The following MACF1 variants were observed in gnomAD, a reference collection of about 807,000 sequenced individuals.
MACF1 encodes the protein microtubule actin crosslinking factor 1, also known as microtubule-actin cross-linking factor 1.
MACF1 carries 193 observed loss-of-function variants against 854.8 expected under a neutral mutation model. The observed-to-expected ratio is 0.23, with a 90% CI of 0.20 to 0.25. MACF1 has a LOEUF of 0.25. MACF1 is among the 10% of genes least tolerant of loss of function. MACF1 has a pLI of 1.00. For missense variants in MACF1, 7,722 were observed against 8,929.1 expected, an observed-to-expected ratio of 0.86 and a Z score of 5.45; for synonymous variants, 3,185 against 3,226.7, an observed-to-expected ratio of 0.99 and a Z score of 0.44.
chr1:39,262,415 AAAAAG>A (rs1400322125), intron 6 of MACF1, among the ~76,000 whole-genome samples: 21 of 151,310 alleles, frequency 1.4e-4, no homozygotes, highest in African/African-American at 5.1e-4. Flanking sequence ...AAAAAAAAAA[AAAAAG>A]AATCTACTAC....
In MACF1 at chr1:39,409,224, CGCGGGGCCA is replaced by C. The variant is rs1417606072; in HGVS notation, c.15817-13145_15817-13137del. 2.6e-5 allele frequency among the ~76,000 whole-genome samples: 4 copies of C among 151,998 alleles called. No individual in the cohort carries two copies. The highest frequency in any genetic ancestry group is 4.4e-5 in the Non-Finnish European group (3 of 67,964). On this transcript the variant is annotated intron_variant, in intron 58 of 100. Coordinates refer to ENST00000564288, the MANE Select transcript of MACF1 (RefSeq NM_001394062.1). This position sits in a 1 kb window ranked among gnomAD's most constrained non-coding sequence, Gnocchi z 4.2. The stretch of plus-strand genomic sequence containing the variant: ...CTGCGGGCGGGGAGGACGGCGGGGC[CGCGGGGCCA>C]GCGGCGTGGTGGAGAATAGAGGCGG...
intron 85 of MACF1, among the ~76,000 whole-genome samples, chr1:39,451,498 C>G (rs907746546): frequency 6.6e-6 from 1 of 152,084 alleles, no homozygotes; most frequent in Non-Finnish European, 1.5e-5. Context: ...TAAATTCCAA[C>G]GGAAACCCAT....
chr1:39,282,261 A>G lies in MACF1; in HGVS notation c.582A>G (p.Lys194=), dbSNP rs147380893. The G allele has an allele frequency of 8.1e-6, 13 of 1,613,986 alleles. No individual in the cohort carries two copies. The African/African-American group carries it at 1.5e-4, about 18-fold the overall frequency. ...CAGGGGATATGTCAGCCAAGGAGAA[A>G]CTACTCCTGTGGACCCAGAAGGTGA... ...GESGDMSAKE[K]LLLWTQKVTA... The change falls in exon 7 of 101, where the codon AAA becomes AAG. Residue 194 remains lysine, a synonymous_variant. Coordinates refer to ENST00000564288, the MANE Select transcript of MACF1 (RefSeq NM_001394062.1).
chr1:39,118,769 G>A (rs918169630), intron 2 of MACF1, among the ~76,000 whole-genome samples: 1 of 151,870 alleles, frequency 6.6e-6, no homozygotes, highest in Admixed American at 6.6e-5. Context: ...AGTATTAAGG[G>A]GGCTAATAAG....
chr1:39,273,669 G>A (rs1264370980), intron 6 of MACF1, among the ~76,000 whole-genome samples: 2 of 151,616 alleles, frequency 1.3e-5, no homozygotes, highest in Admixed American at 1.3e-4. Context: ...CCCTACCTCA[G>A]CTCACTGAAC....
intron 89 of MACF1, among the ~76,000 whole-genome samples, chr1:39,456,554 C>G (rs1644443397): frequency 6.6e-6 from 1 of 152,176 alleles, no homozygotes; most frequent in Non-Finnish European, 1.5e-5. Context: ...CAGGATGTAA[C>G]TTCATCGTAA....
intron 93 of MACF1, 88 bp downstream of exon 93, chr1:39,462,125 C>T (rs1644566706): frequency 2.4e-6 from 3 of 1,265,784 alleles, no homozygotes; most frequent in Middle Eastern, 1.9e-4. Flanking sequence ...TCATATTAGC[C>T]TTTGACTTGT....
intron 31 of MACF1, among the ~76,000 whole-genome samples, chr1:39,321,631 G>C (rs906451669): frequency 4.3e-4 from 65 of 152,198 alleles, no homozygotes; most frequent in African/African-American, 1.4e-3. Context: ...TGAGATTGGG[G>C]CCAACCCATG....
chr1:39,303,746 C>A (rs1646102635), intron 23 of MACF1, among the ~76,000 whole-genome samples: 1 of 151,188 alleles, frequency 6.6e-6, no homozygotes, highest in African/African-American at 2.4e-5. Context: ...CCCCTGTAAT[C>A]CCAGCTACTC....
chr1:39,297,827 G>A, intron 21 of MACF1, 82 bp downstream of exon 21: 2 of 1,523,014 alleles, frequency 1.3e-6, no homozygotes, highest in Middle Eastern at 1.8e-4. Flanking sequence ...ATCCTTGAAA[G>A]CTCCAGGGCA....
In MACF1 at chr1:39,105,121, A is replaced by T. The variant is rs1239749450; in HGVS notation, c.220+20683A>T. ...CGCGCGGGGCCTCCCACCCAGCGGG[A>T]CTCCCGCGTGGGCCGGCCTCTCGCG... On this transcript the variant is annotated intron_variant, in intron 2 of 93. Transcript: ENST00000361689. This position sits in a 1 kb window ranked among gnomAD's most constrained non-coding sequence, Gnocchi z 5.9. Among the ~76,000 whole-genome samples the T allele has an allele frequency of 1.3e-5, 2 of 150,486 alleles. No individual in the cohort carries two copies. The highest frequency in any genetic ancestry group is 3.0e-5 in the Non-Finnish European group (2 of 67,606).
intron 6 of MACF1, among the ~76,000 whole-genome samples, chr1:39,278,190 TA>T (rs1645473560): frequency 6.6e-6 from 1 of 152,128 alleles, no homozygotes; most frequent in African/African-American, 2.4e-5. Flanking sequence ...GAGATTAAGG[TA>T]AAAGCTTCTG....
At position 39,485,676 on chromosome 1, in the gene MACF1, G is replaced by T. The variant is rs1645092621; in HGVS notation, c.22550G>T (p.Ser7517Ile). 1 of 1,614,002 alleles carries T rather than the reference G, an allele frequency of 6.2e-7. No homozygotes were observed. The highest frequency in any genetic ancestry group is 1.7e-5 in the Admixed American group (1 of 60,000). The change falls in exon 101 of 101, where the codon AGC (serine) becomes ATC (isoleucine). Residue 7517 changes from serine to isoleucine, a missense_variant. Ser to Ile is a moderately radical substitution (Grantham distance 142). This residue lies in a region of MACF1 where 185 missense variants were observed against 225.7 expected (regional missense o/e 0.82). Coordinates refer to ENST00000564288, the MANE Select transcript of MACF1 (RefSeq NM_001394062.1). ...TCTGCTTGTTCCGACACTTCAGAAAGCAGCGCTGCAGGGGGCCAAGGCAAC... is the reference window on the plus strand; with the variant it reads ...TCTGCTTGTTCCGACACTTCAGAAATCAGCGCTGCAGGGGGCCAAGGCAAC... ...TQSACSDTSE[S>I]SAAGGQGNSR...
chr1:39,469,340 G>C (rs550134367), intron 96 of MACF1, among the ~76,000 whole-genome samples: 3 of 152,170 alleles, frequency 2.0e-5, no homozygotes, highest in Non-Finnish European at 4.4e-5. Flanking sequence ...CTGCAGCTAG[G>C]GGGTGTGTGG....
rs371976515 is a variant in MACF1 at position 39,300,322 on chromosome 1, C to T, written c.2594C>T (p.Thr865Ile). The change falls in exon 22 of 101, where the codon ACC becomes ATC. Residue 865 changes from threonine to isoleucine, a missense_variant. Thr to Ile is a moderately conservative substitution (Grantham distance 89). Transcript: ENST00000564288. ...AGTCCAGACCATGTGTTAAAGAACA[C>T]CATTTCTGTCAAGGCTGTCTGTGAC... ...PRSPDHVLKN[T>I]ISVKAVCDYR... is the part of the protein sequence containing the mutation. 3.3e-5 allele frequency: 53 copies of T among 1,613,664 alleles called. No homozygotes were observed. Among genetic ancestry groups the T allele is most frequent in the Non-Finnish European group, 4.2e-5 (50 of 1,179,972 alleles).
In MACF1 at chr1:39,190,077, G is replaced by A. The variant is rs1271569150; in HGVS notation, c.221-41105G>A. ...CAAGAACAGAACTGGACCTATAATC[G>A]TCTCTAGTTCTGTAATGTCTAAATG... is the stretch of plus-strand genomic sequence containing the variant. On this transcript the variant is annotated intron_variant, in intron 2 of 93. Transcript: ENST00000361689. 6.6e-5 allele frequency among the ~76,000 whole-genome samples: 10 copies of A among 152,154 alleles called. No individual in the cohort carries two copies. In the South Asian group the frequency reaches 1.2e-3, roughly 19 times the overall value.
chr1:39,167,873 C>CAA (rs770717347), intron 2 of MACF1, among the ~76,000 whole-genome samples: 2 of 39,180 alleles, frequency 5.1e-5, no homozygotes, highest in Non-Finnish European at 4.9e-5. Flanking sequence ...GACTCCGTCT[C>CAA]AAAAAAAAAA....
chr1:39,262,485 A>G (rs1012772289), intron 6 of MACF1, among the ~76,000 whole-genome samples: 3 of 148,874 alleles, frequency 2.0e-5, no homozygotes, highest in African/African-American at 7.3e-5. Flanking sequence ...CTTATTGTTT[A>G]GGAGAGTGAG....
intron 96 of MACF1, among the ~76,000 whole-genome samples, 153 bp from the exon 97 acceptor site, chr1:39,469,394 C>T (rs770543998): frequency 2.3e-4 from 35 of 152,184 alleles, no homozygotes; most frequent in Non-Finnish European, 3.8e-4. Context: ...TTGCTAAATC[C>T]TCTTCAGCTA....
Sources: allele counts gnomAD v4.1 joint callset (sites outside exome capture counted in the v4.1 genomes callset), GRCh38; gene constraint gnomAD v4.1.1; regional missense constraint gnomAD v4.1.1; non-coding constraint Gnocchi (gnomAD v3.1); transcripts MANE v1.5; gene names NCBI Gene and HGNC (gene_info 2026-07-23, HGNC 2026-07-21).